Variants in TMEM132D observed in about 807,000 individuals in gnomAD.
TMEM132D encodes mature OL transmembrane protein.
A neutral mutation model predicts 62.3 loss-of-function variants in TMEM132D; 21 were observed. The observed-to-expected ratio is 0.34, with a 90% CI of 0.24 to 0.49. TMEM132D has a LOEUF of 0.49. Among genes scored for constraint, TMEM132D ranks in the 20% least tolerant of loss-of-function variants. The probability of loss-of-function intolerance (pLI) is 0.99; values close to 1 mark genes in which losing one functional copy is unlikely to be tolerated. For missense variants in TMEM132D, 1,346 were observed against 1,402.8 expected (o/e 0.96, Z 0.65); for synonymous variants, 621 against 575.6 (o/e 1.08, Z -1.13).
rs1335743743 is a variant in TMEM132D at position 129,081,842 on chromosome 12, T to C, written c.1840A>G (p.Met614Val). 1 of 1,613,700 alleles carries C rather than the reference T, an allele frequency of 6.2e-7. No individual in the cohort carries two copies. Among genetic ancestry groups the C allele is most frequent in the East Asian group, 2.2e-5 (1 of 44,860 alleles). The part of the protein sequence containing the change: ...VDITELINDF[M>V]QVEEPRIAKL... ...GCGATCCTGGGCTCCTCCACCTGCA[T>C]GAAGTCATTTATCAGCTCCGTGATG... Residue 614 changes from methionine to valine, a missense_variant, in exon 7 of 9, where the codon ATG becomes GTG. Coordinates refer to ENST00000422113, the MANE Select transcript of TMEM132D (RefSeq NM_133448.3).
At position 129,605,587 on chromosome 12, in the gene TMEM132D, TTATATA is replaced by T. The variant is rs71301340; in HGVS notation, c.969-74388_969-74383del. Among the ~76,000 whole-genome samples the T allele has an allele frequency of 5.4e-4, 58 of 107,368 alleles. 3 individuals carry two copies. The highest frequency in any genetic ancestry group is 9.7e-4 in the Admixed American group (10 of 10,332). The allele number at this position is 107,368 out of a possible 152,430, so 70.4% of individuals were successfully genotyped here. ...TTAAATTATTATGGGAAATTAGGCATTATATATATATATATATACACACACATATAT... is the reference window on the plus strand; with the variant it reads ...TTAAATTATTATGGGAAATTAGGCATTATATATATATACACACACATATAT... On this transcript the variant is annotated intron_variant, in intron 2 of 8. Transcript: ENST00000422113.
At chr12:129,127,979 C>T (rs1053074216) in intron 5 of TMEM132D, among the ~76,000 whole-genome samples, 5 of 152,290 alleles carry the variant, frequency 3.3e-5, no homozygotes, top group African/African-American at 9.6e-5. Flanking sequence ...CTGCCTAGAC[C>T]GTGACCAACT....
intron 4 of TMEM132D, among the ~76,000 whole-genome samples, chr12:129,296,087 T>C (rs537850573): frequency 2.8e-4 from 42 of 150,320 alleles, no homozygotes; most frequent in Non-Finnish European, 4.7e-4. Flanking sequence ...CACACACACA[T>C]ATATATATAT....
chr12:129,144,548 A>G (rs556427454), intron 5 of TMEM132D, among the ~76,000 whole-genome samples: 18 of 152,298 alleles, frequency 1.2e-4, no homozygotes, highest in African/African-American at 4.3e-4. Context: ...ACGGCTAGAC[A>G]TGGTGAGGAG....
At chr12:129,792,538 G>C (rs1329210050) in intron 1 of TMEM132D, among the ~76,000 whole-genome samples, 1 of 152,150 alleles carries the variant, frequency 6.6e-6, no homozygotes, top group Non-Finnish European at 1.5e-5. Flanking sequence ...GAGGCACCAG[G>C]CGCTGTGCTG....
chr12:129,459,320 T>C (rs1389920914), intron 3 of TMEM132D, among the ~76,000 whole-genome samples: 1 of 152,200 alleles, frequency 6.6e-6, no homozygotes, highest in African/African-American at 2.4e-5. Context: ...TCTGCGATGA[T>C]TTCTTTGGAC....
intron 2 of TMEM132D, among the ~76,000 whole-genome samples, chr12:129,654,255 TTC>T (rs368963587): frequency 1.0e-4 from 15 of 147,174 alleles, no homozygotes; most frequent in Non-Finnish European, 1.6e-4. Flanking sequence ...GTCTCTCTCT[TTC>T]TCTCTCTCTC....
chr12:129,686,123 G>A (rs903825937), intron 2 of TMEM132D, among the ~76,000 whole-genome samples: 2 of 152,128 alleles, frequency 1.3e-5, no homozygotes, highest in Admixed American at 1.3e-4. Flanking sequence ...AAGACTTTGG[G>A]GGACACCGTT....
At chr12:129,735,942 T>A (rs936970720) in intron 1 of TMEM132D, among the ~76,000 whole-genome samples, 1 of 152,192 alleles carries the variant, frequency 6.6e-6, no homozygotes, top group Non-Finnish European at 1.5e-5. Context: ...AGCAACAGGA[T>A]GCTGACCACC....
At chr12:129,530,956 C>T (rs1055886252) in intron 3 of TMEM132D, 103 bp downstream of exon 3, 17 of 1,279,898 alleles carry the variant, frequency 1.3e-5, no homozygotes, top group Non-Finnish European at 1.7e-5. Flanking sequence ...ACACCAAATG[C>T]AAACCACAGT....
chr12:129,874,305 G>C (rs985262358), intron 1 of TMEM132D, among the ~76,000 whole-genome samples: 3 of 152,228 alleles, frequency 2.0e-5, no homozygotes, highest in Middle Eastern at 3.4e-3. Flanking sequence ...AATAAATCGG[G>C]AGGCTGAGGC....
intron 3 of TMEM132D, among the ~76,000 whole-genome samples, chr12:129,352,591 A>G (rs1869905270): frequency 6.6e-6 from 1 of 152,180 alleles, no homozygotes; most frequent in Non-Finnish European, 1.5e-5. Flanking sequence ...CCATCAAAAA[A>G]TAGGCAAAGG....
At chr12:129,285,714 A>G (rs1251501134) in intron 4 of TMEM132D, among the ~76,000 whole-genome samples, 1 of 152,258 alleles carries the variant, frequency 6.6e-6, no homozygotes, top group East Asian at 1.9e-4. Context: ...TAGCACAGCC[A>G]TTTACATTTA....
intron 1 of TMEM132D, among the ~76,000 whole-genome samples, chr12:129,704,796 A>T (rs1881464621): frequency 6.6e-6 from 1 of 152,248 alleles, no homozygotes; most frequent in African/African-American, 2.4e-5. Context: ...CTGCAGAGTA[A>T]CGAAGGAAAT....
intron 2 of TMEM132D, among the ~76,000 whole-genome samples, chr12:129,693,641 G>A (rs1322874334): frequency 6.6e-6 from 1 of 152,166 alleles, no homozygotes; most frequent in Admixed American, 6.5e-5. Flanking sequence ...GGGACCTTAC[G>A]ATCAATAGAA....
rs188397392 is a variant in TMEM132D, at chr12:129,685,950, T to A, written c.968+13860A>T. The stretch of plus-strand genomic sequence containing the variant: ...TGTAGCTCCTTTGTTTTGACCAGTT[T>A]CTCCCATTTGGAACAGGTGTATTTA... On this transcript the variant is annotated intron_variant, in intron 2 of 8. Coordinates refer to ENST00000422113, the MANE Select transcript of TMEM132D (RefSeq NM_133448.3). Among the ~76,000 whole-genome samples the A allele has an allele frequency of 2.2e-4, 33 of 152,328 alleles. 1 individual carries two copies. In the East Asian group the frequency reaches 6.2e-3, roughly 29 times the overall value.
At chr12:129,335,836 T>G (rs1011218149) in intron 4 of TMEM132D, among the ~76,000 whole-genome samples, 12 of 152,210 alleles carry the variant, frequency 7.9e-5, no homozygotes, top group African/African-American at 2.7e-4. Flanking sequence ...TTTTGGTGAA[T>G]TGGATGCAAC....
At chr12:129,465,879 C>G (rs1873874713) in intron 3 of TMEM132D, among the ~76,000 whole-genome samples, 1 of 152,102 alleles carries the variant, frequency 6.6e-6, no homozygotes, top group African/African-American at 2.4e-5. Context: ...GATGGGGTTT[C>G]ACCACGTTGG....
chr12:129,244,780 A>G (rs1880048046), intron 4 of TMEM132D, among the ~76,000 whole-genome samples: 1 of 152,006 alleles, frequency 6.6e-6, no homozygotes, highest in Non-Finnish European at 1.5e-5. Context: ...ACCTCGAATC[A>G]CAGGTGTGGG....
Sources: gnomAD v4.1 joint callset for allele counts (sites outside exome capture counted in the v4.1 genomes callset) on GRCh38, gnomAD v4.1.1 for gene constraint, MANE v1.5 for transcripts, NCBI Gene and HGNC (gene_info 2026-07-23, HGNC 2026-07-21) for gene names.